SLC2A11: variants seen among roughly 807,000 people sequenced by gnomAD.
The protein encoded by SLC2A11 is solute carrier family 2, facilitated glucose transporter member 11.
SLC2A11 carries 43 observed loss-of-function variants against 52.1 expected under a neutral mutation model. The observed-to-expected ratio is 0.82, with a 90% confidence interval of 0.65 to 1.06. The LOEUF is 1.06. Ranked by LOEUF, SLC2A11 falls within the 50% of genes least tolerant of loss-of-function variation. SLC2A11 has a pLI of 0.00. For missense variants in SLC2A11, 582 were observed against 654.2 expected (o/e 0.89, Z 1.20); for synonymous variants, 261 against 277.6 (o/e 0.94, Z 0.59).
chr22:23,857,731 TCTC>T, upstream of SLC2A11: 2 of 1,255,222 alleles, frequency 1.6e-6, no homozygotes, highest in Non-Finnish European at 2.1e-6. Context: ...TGAGCTTGAG[TCTC>T]AGGCCTTAGT....
intron 2 of SLC2A11, chr22:23,865,141 G>A (rs956874189): frequency 7.0e-6 from 1 of 143,524 alleles, no homozygotes; most frequent in Non-Finnish European, 1.5e-5. Context: ...ACAAAACTGG[G>A]CGCAGTGGCT....
rs2032099045 is a variant in SLC2A11 at position 23,862,272 on chromosome 22, G to A, written c.129+70G>A. 7 of 1,456,098 alleles carry A rather than the reference G, an allele frequency of 4.8e-6. No individual in the cohort carries two copies. In the Admixed American group the frequency reaches 6.8e-5, roughly 14 times the overall value. The allele number at this position is 1,456,098 out of a possible 1,614,324, so 90.2% of individuals were successfully genotyped here. On this transcript the variant is annotated intron_variant, in intron 2 of 11. Transcript: ENST00000316185. ...ACTGGCTAACAGCTGCCCACTGAGGGGCTTCAGCCAGGCATCCACTAGGTG... is the reference window on the plus strand; with the variant it reads ...ACTGGCTAACAGCTGCCCACTGAGGAGCTTCAGCCAGGCATCCACTAGGTG...
chr22:23,874,348 G>C (rs1312780407), intron 3 of SLC2A11, among the ~76,000 whole-genome samples: 1 of 152,082 alleles, frequency 6.6e-6, no homozygotes, highest in Non-Finnish European at 1.5e-5. Flanking sequence ...GTGCAGTGGC[G>C]TGATCATGGC....
intron 1 of SLC2A11, chr22:23,858,276 C>G (rs1310232519): frequency 1.5e-6 from 1 of 657,948 alleles, no homozygotes; most frequent in Non-Finnish European, 2.8e-6. Flanking sequence ...CCCAGAGATG[C>G]TAAATCCTCT....
intron 1 of SLC2A11, among the ~76,000 whole-genome samples, chr22:23,859,786 GC>G (rs1170069301): frequency 3.9e-5 from 6 of 152,306 alleles, no homozygotes; most frequent in Non-Finnish European, 8.8e-5. Context: ...ACGACATCCG[GC>G]CAACACTCAG....
chr22:23,876,674 C>T (rs948274562), intron 4 of SLC2A11, among the ~76,000 whole-genome samples: 20 of 151,918 alleles, frequency 1.3e-4, no homozygotes, highest in Admixed American at 3.9e-4. Context: ...GGTAGGCATC[C>T]AGGATGTGGT....
chr22:23,875,945 G>T (rs1316955347), intron 4 of SLC2A11, among the ~76,000 whole-genome samples: 1 of 152,156 alleles, frequency 6.6e-6, no homozygotes, highest in Non-Finnish European at 1.5e-5. Context: ...ACATCAGAAG[G>T]GTTGGCTGGG....
upstream of SLC2A11, among the ~76,000 whole-genome samples, chr22:23,857,687 G>C (rs1404391001): frequency 6.7e-6 from 1 of 149,060 alleles, no homozygotes; most frequent in Non-Finnish European, 1.5e-5. Context: ...GGCGCCCTCC[G>C]CGACACTCTA....
intron 6 of SLC2A11, chr22:23,882,216 A>G (rs2032835728): frequency 3.5e-6 from 2 of 568,962 alleles, no homozygotes; most frequent in Admixed American, 3.3e-5. Context: ...ACACACACAG[A>G]CACAGAGACA....
chr22:23,857,553 C>G, upstream of SLC2A11: 2 of 1,585,952 alleles, frequency 1.3e-6, no homozygotes, highest in Non-Finnish European at 1.7e-6. Flanking sequence ...GCGGCGGCGA[C>G]AAACCCCGCG....
At chr22:23,868,037 A>T (rs1381319119) in intron 2 of SLC2A11, 2 of 304,418 alleles carry the variant, frequency 6.6e-6, no homozygotes, top group African/African-American at 4.3e-5. Context: ...AAGAGGGGAC[A>T]GTCTTGTGGA....
chr22:23,860,308 G>C (rs879800809), intron 1 of SLC2A11, among the ~76,000 whole-genome samples: 10 of 152,148 alleles, frequency 6.6e-5, no homozygotes, highest in Non-Finnish European at 1.0e-4. Context: ...CAGCTACTTG[G>C]GGGGCTGAGG....
chr22:23,858,349 C>T (rs2146099169), intron 1 of SLC2A11, among the ~76,000 whole-genome samples: 1 of 152,274 alleles, frequency 6.6e-6, no homozygotes, highest in East Asian at 1.9e-4. Context: ...GACTGCTCGC[C>T]CCCTCCCGAG....
chr22:23,884,193 C>A lies in SLC2A11; in HGVS notation c.1172-109C>A. 3 of 1,496,638 alleles carry A rather than the reference C, an allele frequency of 2.0e-6. No individual in the cohort carries two copies. The highest frequency in any genetic ancestry group is 1.3e-5 in the South Asian group (1 of 76,710). The allele number at this position is 1,496,638 out of a possible 1,614,324, so 92.7% of individuals were successfully genotyped here. A position where few individuals can be genotyped will look rare whatever the true frequency, so the allele number is the denominator to read the frequency against. On this transcript the variant is annotated intron_variant, in intron 10 of 11. Transcript: ENST00000316185. The surrounding 1 kb of genome is among the most constrained non-coding windows in gnomAD (Gnocchi z 4.3). ...GGCAGGAGGAGAGCACTGAGGGGCC[C>A]CCCATACAGACTGGGCCTGGGCTCC...
chr22:23,875,352 AT>A (rs2032584962), intron 4 of SLC2A11, 111 bp downstream of exon 4: 24 of 1,199,214 alleles, frequency 2.0e-5, no homozygotes, highest in Non-Finnish European at 2.4e-5. Flanking sequence ...TCATTCATTT[AT>A]TTTTTATTTA....
Position 23,875,226 on chromosome 22 carries a change from G to T in SLC2A11, c.400G>T (p.Val134Leu). The stretch of plus-strand genomic sequence containing the variant: ...GATGATCATGCTGGGAAGACTGCTC[G>T]TGGGAGTCAATGCAGGTATGGGGTG... ...FEMIMLGRLL[V>L]GVNAGVSMNI... The change falls in exon 4 of 12, where the codon GTG becomes TTG. Residue 134 changes from valine (V) to leucine (L), a missense_variant. Transcript: ENST00000316185. 6.7e-7 allele frequency: 1 copy of T among 1,501,664 alleles called. No homozygotes were observed. 93.0% of individuals were successfully genotyped at this position (1,501,664 alleles called of 1,614,324 possible). A position where few individuals can be genotyped will look rare whatever the true frequency, so the allele number is the denominator to read the frequency against.
chr22:23,882,872 G>A lies in SLC2A11; in HGVS notation c.993+3G>A. On this transcript the variant is annotated splice_donor_region_variant and intron_variant, in intron 8 of 11. Transcript: ENST00000316185. ...AGCTGCTCACGGCGGTTGTTAGTGT[G>A]AGTCTGGAGGGTGCCCTTCCTCCAC... 1 of 1,607,482 alleles carries A rather than the reference G, an allele frequency of 6.2e-7. No homozygotes were observed. The highest frequency in any genetic ancestry group is 8.5e-7 in the Non-Finnish European group (1 of 1,176,954).
intron 2 of SLC2A11, among the ~76,000 whole-genome samples, chr22:23,864,931 A>T (rs1341381001): frequency 6.6e-6 from 1 of 151,508 alleles, no homozygotes; most frequent in Non-Finnish European, 1.5e-5. Context: ...AACATGATTA[A>T]ACCCTGTCTC....
intron 3 of SLC2A11, chr22:23,869,674 T>A: frequency 3.8e-6 from 1 of 265,186 alleles, no homozygotes; most frequent in Non-Finnish European, 7.1e-6. Flanking sequence ...ACTAGCAATC[T>A]TAGTCTATTT....
Sources: allele counts gnomAD v4.1 joint callset (sites outside exome capture counted in the v4.1 genomes callset), GRCh38; gene constraint gnomAD v4.1.1; non-coding constraint Gnocchi (gnomAD v3.1); transcripts MANE v1.5; gene names NCBI Gene and HGNC (gene_info 2026-07-23, HGNC 2026-07-21).